Variants in MAP7D2 observed in about 807,000 individuals in gnomAD.
MAP7D2 encodes the protein MAP7 domain-containing protein 2.
Under a neutral mutation model 63.5 loss-of-function variants are expected in MAP7D2, and 33 were observed. That is an observed-to-expected ratio of 0.52 (90% CI 0.39 to 0.70). The LOEUF (loss-of-function observed/expected upper bound fraction) is 0.70, where lower values mean the gene tolerates loss of function less well. Ranked by LOEUF, MAP7D2 falls within the 30% of genes least tolerant of loss-of-function variation. The pLI is 0.00. For synonymous variants in MAP7D2, 224 were observed against 223.7 expected (o/e 1.00, Z -0.01); for missense variants, 626 against 604.0 (o/e 1.04, Z -0.38).
intron 1 of MAP7D2, among the ~76,000 whole-genome samples, chrX:20,101,829 A>G (rs2066444260): frequency 1.8e-5 from 2 of 112,588 alleles, no homozygotes. Context: ...TTGATGAAAA[A>G]GTTCTGGAGA....
chrX:20,040,372 T>C (rs965863719), intron 8 of MAP7D2, among the ~76,000 whole-genome samples: 2 of 112,088 alleles, frequency 1.8e-5, no homozygotes, highest in African/African-American at 3.2e-5. Context: ...CCCTTTCTTA[T>C]GGTTTGTGTG....
chrX:20,052,816 G>A (rs1261534563), intron 5 of MAP7D2, 62 bp downstream of exon 5: 1 of 887,528 alleles, frequency 1.1e-6, no homozygotes, highest in South Asian at 2.0e-5. Context: ...AAAGACAAAC[G>A]TTAAGATGCT....
chrX:20,114,365 T>A (rs1201293108), intron 1 of MAP7D2, among the ~76,000 whole-genome samples: 1 of 112,579 alleles, frequency 8.9e-6, no homozygotes, highest in Non-Finnish European at 1.9e-5. Context: ...CACTCCAGCA[T>A]GGACAACAGA....
Position 20,085,689 on chromosome X carries a change from G to C in MAP7D2, c.131-20884C>G, listed in dbSNP as rs143946951. Among the ~76,000 whole-genome samples the C allele has an allele frequency of 5.6e-3, 629 of 111,936 alleles. 3 individuals carry two copies. Among genetic ancestry groups the C allele is most frequent in the African/African-American group, 0.019 (586 of 30,794 alleles). ...AAACAAAGATAAAGAGAAGGAACAG[G>C]GTAAAATGTTTTCTCAAGTTTTTTT... On this transcript the variant is annotated intron_variant, in intron 1 of 16. Transcript: ENST00000379643.
intron 8 of MAP7D2, among the ~76,000 whole-genome samples, chrX:20,027,012 C>T (rs1302724713): frequency 1.8e-5 from 2 of 112,340 alleles, no homozygotes; most frequent in African/African-American, 6.5e-5. Flanking sequence ...TATTCAAAGA[C>T]GATTTTTCAC....
intron 1 of MAP7D2, among the ~76,000 whole-genome samples, chrX:20,072,135 T>C (rs994851042): frequency 9.9e-5 from 11 of 111,556 alleles, no homozygotes; most frequent in African/African-American, 3.6e-4. Flanking sequence ...GAAGTGTCTA[T>C]AAAAACAACC....
chrX:20,087,297 C>G lies in MAP7D2; in HGVS notation c.131-22492G>C, dbSNP rs564870924. Among the ~76,000 whole-genome samples the G allele has an allele frequency of 1.4e-4, 16 of 112,017 alleles. No homozygotes were observed. In the East Asian group the frequency reaches 4.2e-3, roughly 29 times the overall value. On this transcript the variant is annotated intron_variant, in intron 1 of 16. Coordinates refer to ENST00000379643, the MANE Select transcript of MAP7D2 (RefSeq NM_001168465.2). ...GGTCATGAGGGTTTGGTGCTATGCT[C>G]GTGGTAATGAGAGTTCTTGCTCTGT...
intron 10 of MAP7D2, among the ~76,000 whole-genome samples, chrX:20,023,968 T>C (rs1011414901): frequency 9.8e-5 from 11 of 112,101 alleles, no homozygotes; most frequent in African/African-American, 2.3e-4. Flanking sequence ...TTTTAAAAAA[T>C]AGATCAGCAA....
intron 1 of MAP7D2, among the ~76,000 whole-genome samples, chrX:20,077,844 C>T (rs900296852): frequency 8.9e-6 from 1 of 112,262 alleles, no homozygotes; most frequent in African/African-American, 3.2e-5. Flanking sequence ...ATGTCCTCTT[C>T]ATTTCTCATC....
intron 1 of MAP7D2, among the ~76,000 whole-genome samples, chrX:20,099,899 A>G (rs1169289634): frequency 8.9e-6 from 1 of 112,115 alleles, no homozygotes; most frequent in East Asian, 2.8e-4. Context: ...ACTCACTTAT[A>G]GATTAACTAT....
chrX:20,045,500 C>G (rs938286854), intron 6 of MAP7D2, among the ~76,000 whole-genome samples: 11 of 91,896 alleles, frequency 1.2e-4, no homozygotes, highest in Admixed American at 5.4e-4. Flanking sequence ...ACACTCCAAC[C>G]TGGGTGACAG....
In MAP7D2 at chrX:20,116,779, C is replaced by G; in HGVS notation, c.101G>C (p.Arg34Pro). The G allele has an allele frequency of 8.4e-7, 1 of 1,190,282 alleles. No homozygotes were observed. Among genetic ancestry groups the G allele is most frequent in the African/African-American group, 1.8e-5 (1 of 56,234 alleles). The part of the protein sequence containing the change: ...PGKIAEPGAV[R>P]TSQPNYRPQG... ...AGGCCGGTAGTTGGGCTGAGAGGTC[C>G]GCACCGCGCCCGGTTCTGCGATCTT... Residue 34 changes from arginine (R) to proline (P), a missense_variant, in exon 1 of 17, where the codon CGG becomes CCG. Coordinates refer to ENST00000379643, the MANE Select transcript of MAP7D2 (RefSeq NM_001168465.2).
chrX:20,015,860 C>A (rs963949728), intron 11 of MAP7D2, among the ~76,000 whole-genome samples: 1 of 112,080 alleles, frequency 8.9e-6, no homozygotes, highest in Non-Finnish European at 1.9e-5. Flanking sequence ...GCAAAAAAAA[C>A]TGCTGGCACT....
chrX:20,063,262 A>T, intron 3 of MAP7D2, 152 bp downstream of exon 3: 1 of 515,543 alleles, frequency 1.9e-6, no homozygotes, highest in Non-Finnish European at 3.1e-6. Context: ...TTCGAGTTTC[A>T]TGTCATGTTG....
intron 6 of MAP7D2, among the ~76,000 whole-genome samples, chrX:20,048,971 A>G (rs1177020288): frequency 9.1e-6 from 1 of 110,193 alleles, no homozygotes; most frequent in Non-Finnish European, 1.9e-5. Flanking sequence ...ATGTATACGT[A>G]TACATATACA....
chrX:20,089,819 A>C (rs2066018001), intron 1 of MAP7D2, among the ~76,000 whole-genome samples: 1 of 111,490 alleles, frequency 9.0e-6, no homozygotes, highest in African/African-American at 3.3e-5. Flanking sequence ...TTGCTTTTCT[A>C]TTCCTTTTCC....
chrX:20,062,469 G>A (rs894285946), intron 3 of MAP7D2, among the ~76,000 whole-genome samples: 7 of 110,171 alleles, frequency 6.4e-5, no homozygotes, highest in African/African-American at 2.0e-4. Flanking sequence ...GTGTGTTTTC[G>A]TATGTGTTCT....
At chrX:20,064,245 T>A (rs1313387167) in intron 2 of MAP7D2, among the ~76,000 whole-genome samples, 1 of 112,266 alleles carries the variant, frequency 8.9e-6, no homozygotes, top group Admixed American at 9.4e-5. Flanking sequence ...CTCAGCATCC[T>A]GTGAAGAACA....
intron 1 of MAP7D2, among the ~76,000 whole-genome samples, chrX:20,069,402 C>T (rs939732641): frequency 9.0e-6 from 1 of 110,642 alleles, no homozygotes; most frequent in African/African-American, 3.3e-5. Flanking sequence ...GAGACAAGGT[C>T]TCCCTATGTT....
Sources: allele counts gnomAD v4.1 joint callset (sites outside exome capture counted in the v4.1 genomes callset), GRCh38; gene constraint gnomAD v4.1.1; transcripts MANE v1.5; gene names NCBI Gene and HGNC (gene_info 2026-07-23, HGNC 2026-07-21).